Variants in TCHP observed in about 807,000 individuals in gnomAD.
TCHP encodes trichoplein keratin filament binding, also known as trichoplein keratin filament-binding protein.
Under a neutral mutation model 88.7 loss-of-function variants are expected in TCHP, and 81 were observed. That is an observed-to-expected ratio of 0.91 (90% CI 0.76 to 1.10). TCHP has a LOEUF of 1.10. Ranked by LOEUF, TCHP falls within the 50% of genes least tolerant of loss-of-function variation. The pLI, the probability that TCHP is intolerant of heterozygous loss-of-function variation, is 0.00. For synonymous variants in TCHP, 232 were observed against 232.5 expected (o/e 1.00, Z 0.02); for missense variants, 641 against 632.1 (o/e 1.01, Z -0.15).
intron 9 of TCHP, among the ~76,000 whole-genome samples, chr12:109,911,637 GA>G (rs1870502993): frequency 6.9e-6 from 1 of 145,006 alleles, no homozygotes; most frequent in African/African-American, 2.6e-5. Flanking sequence ...AAAAAAAGAA[GA>G]AGAAGAGATA....
rs143562682 is a variant in TCHP at position 109,908,895 on chromosome 12, C to A, written c.837C>A (p.Asn279Lys). ...GGCGTTTCTTGAGACATCAGTATAA[C>A]GCTCAACTCAGCAGACGCACACAGC... ...ELGRFLRHQY[N>K]AQLSRRTQQI... The change falls in exon 8 of 13, where the codon AAC becomes AAA. Residue 279 changes from asparagine (N) to lysine (K), a missense_variant. By Grantham distance (94) the Asn-to-Lys change is moderately conservative. Coordinates refer to ENST00000405876, the MANE Select transcript of TCHP (RefSeq NM_001143852.2). The A allele has an allele frequency of 1.2e-6, 2 of 1,614,114 alleles. No individual in the cohort carries two copies. Among genetic ancestry groups the A allele is most frequent in the African/African-American group, 2.7e-5 (2 of 74,932 alleles).
the TCHP span, among the ~76,000 whole-genome samples, chr12:109,881,236 C>T: frequency 6.6e-6 from 1 of 152,188 alleles, no homozygotes; most frequent in Non-Finnish European, 1.5e-5. Flanking sequence ...TTCACTTCAT[C>T]CTCTCCATTC....
intron 9 of TCHP, 83 bp downstream of exon 9, chr12:109,911,318 GA>G: frequency 1.4e-6 from 1 of 722,082 alleles, no homozygotes; most frequent in Non-Finnish European, 2.2e-6. Flanking sequence ...ACCTGTTACT[GA>G]AATATCTATT....
rs1245375077 is a variant in TCHP at position 109,916,614 on chromosome 12, T to G, written c.1488T>G (p.Ala496=). The G allele has an allele frequency of 6.2e-7, 1 of 1,613,582 alleles. No individual in the cohort carries two copies. Among genetic ancestry groups the G allele is most frequent in the African/African-American group, 1.3e-5 (1 of 74,936 alleles). The part of the protein sequence containing the change: ...RPKPYGHPKI[A]WN ...AGCCTTACGGACATCCAAAAATTGCTTGGAACTGACTTCATGGGTACCATA... is the reference window on the plus strand; with the variant it reads ...AGCCTTACGGACATCCAAAAATTGCGTGGAACTGACTTCATGGGTACCATA... Residue 496 remains alanine, a synonymous_variant, in exon 13 of 13, where the codon GCT becomes GCG. Transcript: ENST00000405876.
In TCHP at chr12:109,905,008, C is replaced by T. The variant is rs757825508; in HGVS notation, c.456+215C>T. 45 of 559,536 alleles carry T rather than the reference C, an allele frequency of 8.0e-5. No homozygotes were observed. The highest frequency in any genetic ancestry group is 5.6e-4 in the South Asian group (26 of 46,722). 34.7% of individuals were successfully genotyped at this position (559,536 alleles called of 1,614,324 possible). A position where few individuals can be genotyped will look rare whatever the true frequency, so the allele number is the denominator to read the frequency against. On this transcript the variant is annotated intron_variant, in intron 4 of 12. Coordinates refer to ENST00000405876, the MANE Select transcript of TCHP (RefSeq NM_001143852.2). The surrounding 1 kb of genome is among the most constrained non-coding windows in gnomAD (Gnocchi z 4.0). ...GTTGATTGAACCTCCGCTGCCTGGT[C>T]TGCCAGGTGCGGGCATGGAGATTAG...
chr12:109,915,296 TG>T, intron 11 of TCHP, 106 bp from the exon 12 acceptor site: 1 of 1,514,168 alleles, frequency 6.6e-7, no homozygotes, highest in Non-Finnish European at 9.1e-7. Context: ...GTTGCTCAGC[TG>T]GATTCTCCAG....
Position 109,907,539 on chromosome 12 carries a change from C to T in TCHP, c.539C>T (p.Ala180Val). 6.2e-7 allele frequency: 1 copy of T among 1,614,092 alleles called. No homozygotes were observed. ...KEEKKQQEAT[A>V]EQENKRYENE... ...GGTCCCTTGTAGCAAGAAGCCACCGCAGAGCAAGAGAACAAACGGTATGAA... is the reference window on the plus strand; with the variant it reads ...GGTCCCTTGTAGCAAGAAGCCACCGTAGAGCAAGAGAACAAACGGTATGAA... Residue 180 changes from alanine (A) to valine (V), a missense_variant, in exon 6 of 13, where the codon GCA becomes GTA. Ala to Val is a moderately conservative substitution (Grantham distance 64). Transcript: ENST00000405876.
At chr12:109,898,506 G>C (rs1869625062), upstream of TCHP, among the ~76,000 whole-genome samples, 1 of 151,906 alleles carries the variant, frequency 6.6e-6, no homozygotes, top group South Asian at 2.1e-4. Flanking sequence ...CACCAGGCCC[G>C]GCCTGAAAGT....
the TCHP span, among the ~76,000 whole-genome samples, chr12:109,882,446 A>G: frequency 6.7e-6 from 1 of 149,016 alleles, no homozygotes; most frequent in Non-Finnish European, 1.5e-5. Flanking sequence ...AAAAAAAAAA[A>G]AGACTTGGGG....
chr12:109,882,647 ATTTTTTTTT>A, the TCHP span, among the ~76,000 whole-genome samples: 1 of 80,198 alleles, frequency 1.2e-5, no homozygotes. Context: ...AAGAGTTTGG[ATTTTTTTTT>A]TTTTTTTTTT....
Position 109,907,526 on chromosome 12 carries a change from C to T in TCHP, c.526C>T (p.Gln176Ter). Residue 176 changes from glutamine to a stop codon, truncating the protein, a stop_gained and splice_region_variant, in exon 6 of 13, where the codon CAA becomes TAA. Transcript: ENST00000405876. LOFTEE classifies it high-confidence loss of function. Reference sequence around the variant, plus strand: ...CCTGTGTTCATTTGGTCCCTTGTAGCAAGAAGCCACCGCAGAGCAAGAGAA... The same window carrying T: ...CCTGTGTTCATTTGGTCCCTTGTAGTAAGAAGCCACCGCAGAGCAAGAGAA... ...WEMQKEEKKQQEATAEQENKR... is the reference protein window; with the variant it reads ...WEMQKEEKKQ The T allele has an allele frequency of 1.2e-6, 2 of 1,613,876 alleles. No individual in the cohort carries two copies. The highest frequency in any genetic ancestry group is 2.2e-5 in the South Asian group (2 of 91,056).
At chr12:109,891,066 A>T in the TCHP span, among the ~76,000 whole-genome samples, 1 of 152,228 alleles carries the variant, frequency 6.6e-6, no homozygotes, top group Non-Finnish European at 1.5e-5. Context: ...TTCTTCTCTT[A>T]TTAACTTCCC....
chr12:109,902,753 C>T lies in TCHP; in HGVS notation c.1-274C>T, dbSNP rs143409139. 1.0e-3 allele frequency among the ~76,000 whole-genome samples: 157 copies of T among 152,298 alleles called. 1 individual carries two copies. Among genetic ancestry groups the T allele is most frequent in the African/African-American group, 3.7e-3 (154 of 41,570 alleles). On this transcript the variant is annotated intron_variant, in intron 1 of 12. Coordinates refer to ENST00000405876, the MANE Select transcript of TCHP (RefSeq NM_001143852.2). ...CCTCCCAAAGTGCTGGGATTACAGG[C>T]GTGAGCCACGGCAAATTTAAAAGGA...
At chr12:109,896,024 G>A (rs1869550134), upstream of TCHP, among the ~76,000 whole-genome samples, 1 of 152,036 alleles carries the variant, frequency 6.6e-6, no homozygotes, top group Non-Finnish European at 1.5e-5. Context: ...TCGGCTCACT[G>A]CAACCTCTAC....
rs548171585 is a variant in TCHP at position 109,903,399 on chromosome 12, G to A, written c.188+185G>A. ...GCAGCCATACATTGGCATTGAAAAA[G>A]ATAAAATGATGCAGAAGCATATGAT... On this transcript the variant is annotated intron_variant, in intron 2 of 12. Coordinates refer to ENST00000405876, the MANE Select transcript of TCHP (RefSeq NM_001143852.2). This position sits in a 1 kb window ranked among gnomAD's most constrained non-coding sequence, Gnocchi z 4.6. 6.6e-6 allele frequency among the ~76,000 whole-genome samples: 1 copy of A among 152,180 alleles called. No individual in the cohort carries two copies. Among genetic ancestry groups the A allele is most frequent in the South Asian group, 2.1e-4 (1 of 4,832 alleles).
the TCHP span, among the ~76,000 whole-genome samples, chr12:109,893,285 A>G: frequency 6.6e-6 from 1 of 152,002 alleles, no homozygotes; most frequent in Non-Finnish European, 1.5e-5. Flanking sequence ...AGACTGAGAC[A>G]GGAGAATCGC....
chr12:109,909,438 CAG>C (rs1870357343), intron 8 of TCHP, among the ~76,000 whole-genome samples: 1 of 152,216 alleles, frequency 6.6e-6, no homozygotes, highest in Non-Finnish European at 1.5e-5. Flanking sequence ...TATTTACATA[CAG>C]AGAGGTGGAG....
chr12:109,902,468 A>ATTTGT (rs1274944742), intron 1 of TCHP, among the ~76,000 whole-genome samples: 2 of 151,256 alleles, frequency 1.3e-5, no homozygotes, highest in Non-Finnish European at 3.0e-5. Context: ...GCTAAGGTTT[A>ATTTGT]TTTGTTTTGT....
intron 7 of TCHP, 62 bp from the exon 8 acceptor site, chr12:109,908,809 T>G: frequency 6.3e-7 from 1 of 1,583,920 alleles, no homozygotes; most frequent in Non-Finnish European, 8.7e-7. Flanking sequence ...TCAGCAGTTA[T>G]CTAACTTCTA....
Sources: gnomAD v4.1 joint callset for allele counts (sites outside exome capture counted in the v4.1 genomes callset) on GRCh38, gnomAD v4.1.1 for gene constraint, Gnocchi (gnomAD v3.1) non-coding constraint, MANE v1.5 for transcripts, NCBI Gene and HGNC (gene_info 2026-07-23, HGNC 2026-07-21) for gene names.